The following GABRB3 variants were observed in gnomAD, a reference collection of about 807,000 sequenced individuals.
The protein encoded by GABRB3 is gamma-aminobutyric acid type A receptor subunit beta3.
A neutral mutation model predicts 52.1 loss-of-function variants in GABRB3; 14 were observed. The ratio of observed to expected loss-of-function variants is 0.27; its 90% CI spans 0.18 to 0.42. The LOEUF is 0.42. Ranked by LOEUF, GABRB3 falls within the 10% of genes least tolerant of loss-of-function variation. The probability of loss-of-function intolerance (pLI) is 1.00; values close to 1 mark genes in which losing one functional copy is unlikely to be tolerated. For missense variants in GABRB3, 307 were observed against 609.1 expected, an observed-to-expected ratio of 0.50 and a Z score of 5.22; for synonymous variants, 260 against 232.3, an observed-to-expected ratio of 1.12 and a Z score of -1.08.
chr15:26,651,897 C>G (rs1320895112), intron 3 of GABRB3, among the ~76,000 whole-genome samples: 1 of 152,176 alleles, frequency 6.6e-6, no homozygotes, highest in African/African-American at 2.4e-5. Context: ...CCCCACAAAG[C>G]CACCTTTTGT....
At chr15:26,772,105 C>T (rs1891162542) in intron 3 of GABRB3, 2 of 346,528 alleles carry the variant, frequency 5.8e-6, no homozygotes, top group Non-Finnish European at 1.0e-5. Flanking sequence ...GGCGACAGAG[C>T]GCTGGAGGAG....
intron 3 of GABRB3, among the ~76,000 whole-genome samples, chr15:26,708,164 A>G (rs1404309146): frequency 1.3e-5 from 2 of 152,196 alleles, no homozygotes. Context: ...GAGATGTTCT[A>G]TGAGAAATAA....
At chr15:26,689,971 G>A (rs1379704249) in intron 3 of GABRB3, among the ~76,000 whole-genome samples, 2 of 152,088 alleles carry the variant, frequency 1.3e-5, no homozygotes, top group Admixed American at 1.3e-4. Context: ...CAGTCAGCTG[G>A]AGGGCTTAGA....
At chr15:26,553,924 G>C (rs958851787) in intron 8 of GABRB3, among the ~76,000 whole-genome samples, 1 of 147,036 alleles carries the variant, frequency 6.8e-6, no homozygotes. Context: ...GCCTAGGCTT[G>C]AGTCCAGTGG....
intron 5 of GABRB3, 117 bp downstream of exon 5, chr15:26,583,201 TTCTCTCTCTGTGTC>T (rs1890851504): frequency 9.6e-6 from 7 of 728,396 alleles, no homozygotes; most frequent in Non-Finnish European, 1.7e-5. Context: ...CTCTCTGTGT[TTCTCTCTCTGTGTC>T]TTCCCCTCTT....
chr15:26,658,111 A>G (rs1351023040), intron 3 of GABRB3, among the ~76,000 whole-genome samples: 1 of 152,182 alleles, frequency 6.6e-6, no homozygotes, highest in Non-Finnish European at 1.5e-5. Context: ...GTGATGGACC[A>G]GCTGGTGCCA....
chr15:26,566,901 T>A (rs72700071), intron 7 of GABRB3, among the ~76,000 whole-genome samples: 15 of 152,338 alleles, frequency 9.8e-5, no homozygotes, highest in Non-Finnish European at 2.2e-4. Context: ...AAGGGATGGA[T>A]TGCAGATTGC....
intron 4 of GABRB3, among the ~76,000 whole-genome samples, chr15:26,586,708 G>GAT (rs1891006711): frequency 9.0e-6 from 1 of 110,808 alleles, no homozygotes; most frequent in Non-Finnish European, 2.0e-5. Context: ...AAAAAAAAGA[G>GAT]AGAGAGAGAA....
chr15:26,713,120 C>T (rs991099228), intron 3 of GABRB3, among the ~76,000 whole-genome samples: 2 of 152,088 alleles, frequency 1.3e-5, no homozygotes, highest in African/African-American at 2.4e-5. Context: ...AGGGCAAGGA[C>T]GAGGAAACGG....
intron 4 of GABRB3, among the ~76,000 whole-genome samples, chr15:26,618,319 T>C (rs1172027032): frequency 1.3e-5 from 2 of 151,608 alleles, no homozygotes; most frequent in Admixed American, 6.6e-5. Context: ...AAAACAGAGA[T>C]ATAGATCAAT....
chr15:26,768,935 C>T (rs1453766300), intron 3 of GABRB3, among the ~76,000 whole-genome samples: 1 of 152,164 alleles, frequency 6.6e-6, no homozygotes, highest in Non-Finnish European at 1.5e-5. Flanking sequence ...AAATCCCTTC[C>T]TAGATTGTTT....
intron 7 of GABRB3, among the ~76,000 whole-genome samples, chr15:26,565,560 T>C (rs551629032): frequency 8.5e-5 from 13 of 152,336 alleles, no homozygotes; most frequent in African/African-American, 2.2e-4. Context: ...AGTTTGTTTA[T>C]ATTAATAATG....
intron 4 of GABRB3, among the ~76,000 whole-genome samples, chr15:26,606,467 A>C (rs1891796979): frequency 6.6e-6 from 1 of 152,146 alleles, no homozygotes; most frequent in African/African-American, 2.4e-5. Flanking sequence ...AATTGAAAAA[A>C]TATTCTCAAC....
At chr15:26,620,459 G>A (rs978106430) in intron 4 of GABRB3, among the ~76,000 whole-genome samples, 1 of 152,154 alleles carries the variant, frequency 6.6e-6, no homozygotes, top group Non-Finnish European at 1.5e-5. Flanking sequence ...AACACTTTCA[G>A]ATACATCTTT....
chr15:26,619,676 A>AAAAT (rs768373794), intron 4 of GABRB3, among the ~76,000 whole-genome samples: 16 of 152,234 alleles, frequency 1.1e-4, no homozygotes, highest in African/African-American at 3.4e-4. Context: ...AATAATAATA[A>AAAAT]AAATAAATAA....
chr15:26,559,035 C>T (rs2140674926), intron 8 of GABRB3, among the ~76,000 whole-genome samples: 1 of 152,226 alleles, frequency 6.6e-6, no homozygotes, highest in South Asian at 2.1e-4. Context: ...GAGGACAGAA[C>T]CAGGCAGGGT....
intron 3 of GABRB3, among the ~76,000 whole-genome samples, chr15:26,703,752 C>A (rs1346155742): frequency 6.6e-6 from 1 of 152,184 alleles, no homozygotes. Context: ...CCAAGTAAGT[C>A]CAAAACCCAA....
intron 6 of GABRB3, among the ~76,000 whole-genome samples, chr15:26,569,063 C>A (rs1356387643): frequency 6.6e-6 from 1 of 152,152 alleles, no homozygotes; most frequent in Non-Finnish European, 1.5e-5. Flanking sequence ...CTTTCCTGAT[C>A]TCCTCCTACT....
intron 3 of GABRB3, among the ~76,000 whole-genome samples, chr15:26,684,714 GAGAA>G (rs1888347654): frequency 6.6e-6 from 1 of 152,106 alleles, no homozygotes; most frequent in African/African-American, 2.4e-5. Context: ...ACAGGAGAGA[GAGAA>G]AGAGAGAGAC....
Sources: gnomAD v4.1 joint callset for allele counts (sites outside exome capture counted in the v4.1 genomes callset) on GRCh38, gnomAD v4.1.1 for gene constraint, MANE v1.5 for transcripts, NCBI Gene and HGNC (gene_info 2026-07-23, HGNC 2026-07-21) for gene names.